Variants in FAM227B observed in about 807,000 individuals in gnomAD.
The protein encoded by FAM227B is protein FAM227B.
FAM227B carries 88 observed loss-of-function variants against 73.8 expected under a neutral mutation model. The observed-to-expected ratio is 1.19, with a 90% CI of 1.00 to 1.42. FAM227B has a LOEUF of 1.42. Among genes scored for constraint, FAM227B ranks in the 40% most tolerant of loss-of-function variants. The pLI, the probability that FAM227B is intolerant of heterozygous loss-of-function variation, is 0.00. For synonymous variants in FAM227B, 210 were observed against 190.5 expected, an observed-to-expected ratio of 1.10 and a Z score of -0.84; for missense variants, 632 against 590.9, an observed-to-expected ratio of 1.07 and a Z score of -0.72.
chr15:49,434,684 G>A (rs988825572), intron 11 of FAM227B: 6 of 151,348 alleles, frequency 4.0e-5, no homozygotes, highest in African/African-American at 1.5e-4. Flanking sequence ...AAAAATATAA[G>A]AACATTTACT....
At position 49,589,917 on chromosome 15, in the gene FAM227B, T is replaced by C. The variant is rs1188651613; in HGVS notation, c.196A>G (p.Ile66Val). The C allele has an allele frequency of 3.1e-6, 5 of 1,595,544 alleles. No individual in the cohort carries two copies. The highest frequency in any genetic ancestry group is 1.3e-5 in the African/African-American group (1 of 74,694). ...KIKEDSSFVS[I>V]YTHLWENVPR... ...ACATTTTCCCATAGGTGTGTATAAA[T>C]TGAAACAAATGAACTATCTTCTTTT... Residue 66 changes from isoleucine (I) to valine (V), a missense_variant, in exon 4 of 16, where the codon ATT (isoleucine) becomes GTT (valine). Transcript: ENST00000299338.
intron 14 of FAM227B, among the ~76,000 whole-genome samples, chr15:49,333,768 C>T (rs544799960): frequency 3.3e-5 from 5 of 152,118 alleles, no homozygotes; most frequent in East Asian, 1.9e-4. Flanking sequence ...CACGTGCTTA[C>T]GGGTGTGTTG....
chr15:49,502,651 C>T (rs11070698), intron 11 of FAM227B, among the ~76,000 whole-genome samples: 137,104 of 152,240 alleles, frequency 0.9, 62,843 homozygotes, highest in East Asian at 0.99. Flanking sequence ...CTTTGGACCT[C>T]TGAGTTAATG....
chr15:49,452,142 A>G (rs1180421346), intron 11 of FAM227B, among the ~76,000 whole-genome samples: 2 of 152,086 alleles, frequency 1.3e-5, no homozygotes, highest in Non-Finnish European at 2.9e-5. Context: ...TCTAGGTTCA[A>G]GCAATTCTCC....
At chr15:49,577,539 TTAGAGCCTTGTTTA>T in intron 6 of FAM227B, 76 bp downstream of exon 6, 1 of 756,964 alleles carries the variant, frequency 1.3e-6, no homozygotes, top group Non-Finnish European at 2.1e-6. Flanking sequence ...CTCTCTATAT[TTAGAGCCTTGTTTA>T]TATTGTTGTA....
intron 9 of FAM227B, among the ~76,000 whole-genome samples, chr15:49,551,256 TGAGGGAGAGGGAGAGGGA>T (rs113214972): frequency 6.6e-6 from 1 of 151,598 alleles, no homozygotes; most frequent in Non-Finnish European, 1.5e-5. Context: ...TGGCTCAGCA[TGAGGGAGAGGGAGAGGGA>T]GAGGGAGAGG....
chr15:49,603,859 T>A (rs778437118), intron 3 of FAM227B, among the ~76,000 whole-genome samples: 2 of 152,136 alleles, frequency 1.3e-5, no homozygotes, highest in Non-Finnish European at 2.9e-5. Flanking sequence ...GATTTTTATC[T>A]TGAAGGAATG....
chr15:49,535,446 G>A (rs975459505), intron 10 of FAM227B, among the ~76,000 whole-genome samples: 1 of 151,740 alleles, frequency 6.6e-6, no homozygotes, highest in Non-Finnish European at 1.5e-5. Context: ...TCCCAACAAT[G>A]AAGAGCCCAA....
intron 13 of FAM227B, among the ~76,000 whole-genome samples, chr15:49,363,874 T>G (rs2044676324): frequency 6.6e-6 from 1 of 152,220 alleles, no homozygotes; most frequent in Admixed American, 6.5e-5. Flanking sequence ...TGAGATAATC[T>G]TATGGGTCTG....
At chr15:49,354,885 G>T (rs2042859918) in intron 13 of FAM227B, among the ~76,000 whole-genome samples, 1 of 152,030 alleles carries the variant, frequency 6.6e-6, no homozygotes, top group Non-Finnish European at 1.5e-5. Flanking sequence ...GCATGCAGCT[G>T]GAGATCTGAG....
chr15:49,501,586 T>C (rs555195414), intron 11 of FAM227B, among the ~76,000 whole-genome samples: 1 of 136,362 alleles, frequency 7.3e-6, no homozygotes, highest in South Asian at 2.5e-4. Flanking sequence ...GTGGAACTTA[T>C]ATTTAAACAG....
intron 11 of FAM227B, among the ~76,000 whole-genome samples, chr15:49,476,231 G>T (rs56215639): frequency 0.086 from 2,218 of 25,848 alleles, 89 homozygotes; most frequent in East Asian, 0.14. Flanking sequence ...TTTTGTTTTT[G>T]GTTTTTTTTT....
At chr15:49,376,314 C>G (rs1038685482) in intron 11 of FAM227B, among the ~76,000 whole-genome samples, 3 of 151,908 alleles carry the variant, frequency 2.0e-5, no homozygotes, top group Admixed American at 1.3e-4. Context: ...GTGTGAGGTA[C>G]AAGTCCAACT....
Position 49,615,102 on chromosome 15 carries a change from G to C in FAM227B, c.51+19C>G. 6.2e-7 allele frequency: 1 copy of C among 1,608,598 alleles called. No homozygotes were observed. Among genetic ancestry groups the C allele is most frequent in the Non-Finnish European group, 8.5e-7 (1 of 1,174,950 alleles). On this transcript the variant is annotated intron_variant, in intron 2 of 15. Transcript: ENST00000299338. ...TATAACCTTTGTAAGTGAACATAAA[G>C]CTGTGGAAGCTTCCTTACCCCGGGG...
intron 2 of FAM227B, among the ~76,000 whole-genome samples, chr15:49,614,067 G>T (rs1250626952): frequency 6.6e-6 from 1 of 151,790 alleles, no homozygotes; most frequent in Non-Finnish European, 1.5e-5. Context: ...TTTTTTTCTT[G>T]TAATGGCTGT....
intron 13 of FAM227B, chr15:49,366,630 G>C (rs1005232388): frequency 6.3e-7 from 1 of 1,584,302 alleles, no homozygotes; most frequent in Non-Finnish European, 8.7e-7. Context: ...AGCTGGAGCA[G>C]GAAGCCCCAG....
At chr15:49,575,925 T>G (rs920035229) in intron 7 of FAM227B, among the ~76,000 whole-genome samples, 2 of 152,236 alleles carry the variant, frequency 1.3e-5, no homozygotes, top group Admixed American at 6.5e-5. Context: ...TTTTATCTTC[T>G]TAGTCACAAA....
Position 49,531,053 on chromosome 15 carries a change from TAC to T in FAM227B, c.874+10625_874+10626del, listed in dbSNP as rs549324993. On this transcript the variant is annotated intron_variant, in intron 10 of 15. Coordinates refer to ENST00000299338, the MANE Select transcript of FAM227B (RefSeq NM_152647.3). ...AACACATTCTAAAATACAAGGATAATACACAGGCCACAGTGTTTAAGATAATA... is the reference window on the plus strand; with the variant it reads ...AACACATTCTAAAATACAAGGATAATACAGGCCACAGTGTTTAAGATAATA... Among the ~76,000 whole-genome samples the T allele has an allele frequency of 3.2e-4, 48 of 151,706 alleles. 2 individuals carry two copies. In the East Asian group the frequency reaches 9.1e-3, roughly 29 times the overall value.
intron 10 of FAM227B, among the ~76,000 whole-genome samples, chr15:49,511,829 C>T (rs893060644): frequency 1.4e-4 from 21 of 152,144 alleles, no homozygotes; most frequent in Admixed American, 2.0e-4. Context: ...GTATATGTAC[C>T]GCATATCCTT....
Sources: allele counts gnomAD v4.1 joint callset (sites outside exome capture counted in the v4.1 genomes callset), GRCh38; gene constraint gnomAD v4.1.1; transcripts MANE v1.5; gene names NCBI Gene and HGNC (gene_info 2026-07-23, HGNC 2026-07-21).